The following MPPED2 variants were observed in gnomAD, a reference collection of about 807,000 sequenced individuals.
The protein encoded by MPPED2 is metallophosphoesterase MPPED2.
In MPPED2, 5 loss-of-function variants were observed where a neutral mutation model predicts 33.0. That is an observed-to-expected ratio of 0.15 (90% CI 0.08 to 0.32). The LOEUF (loss-of-function observed/expected upper bound fraction) is 0.32, where lower values mean the gene tolerates loss of function less well. MPPED2 is among the 10% of genes least tolerant of loss of function. The pLI is 1.00. For synonymous variants in MPPED2, 136 were observed against 141.9 expected (o/e 0.96, Z 0.29); for missense variants, 275 against 372.1 (o/e 0.74, Z 2.15).
At chr11:30,508,471 C>T (rs980911195) in intron 3 of MPPED2, among the ~76,000 whole-genome samples, 1 of 152,112 alleles carries the variant, frequency 6.6e-6, no homozygotes, top group African/African-American at 2.4e-5. Flanking sequence ...ATTGTGTTCC[C>T]CCAAAATGCA....
At chr11:30,550,427 G>A (rs180914392) in intron 2 of MPPED2, among the ~76,000 whole-genome samples, 15 of 152,260 alleles carry the variant, frequency 9.9e-5, no homozygotes, top group East Asian at 5.8e-4. Context: ...GCCAAAGCCC[G>A]TCAGTACTCC....
chr11:30,465,091 T>C (rs1355422032), intron 4 of MPPED2, among the ~76,000 whole-genome samples: 1 of 152,210 alleles, frequency 6.6e-6, no homozygotes, highest in African/African-American at 2.4e-5. Flanking sequence ...ATCTGGTATA[T>C]GGTAAGTTCT....
At chr11:30,569,048 A>T (rs927143396) in intron 2 of MPPED2, among the ~76,000 whole-genome samples, 1 of 152,292 alleles carries the variant, frequency 6.6e-6, no homozygotes, top group South Asian at 2.1e-4. Context: ...AACAAATGAC[A>T]AACAATCTGA....
intron 5 of MPPED2, among the ~76,000 whole-genome samples, chr11:30,415,879 C>T (rs1948330214): frequency 6.6e-6 from 1 of 152,216 alleles, no homozygotes; most frequent in Admixed American, 6.5e-5. Context: ...AAATGTTTCT[C>T]TGCTGAAGAT....
chr11:30,537,004 GA>G (rs1197155319), intron 2 of MPPED2, among the ~76,000 whole-genome samples: 9 of 152,228 alleles, frequency 5.9e-5, no homozygotes, highest in Non-Finnish European at 8.8e-5. Flanking sequence ...TAAGCACTGT[GA>G]AATTACACCA....
At chr11:30,528,034 A>G (rs894252342) in intron 3 of MPPED2, among the ~76,000 whole-genome samples, 4 of 152,188 alleles carry the variant, frequency 2.6e-5, no homozygotes, top group African/African-American at 9.7e-5. Flanking sequence ...GAATACATTG[A>G]AGATCACAGA....
At chr11:30,440,146 A>G (rs551143635) in intron 4 of MPPED2, among the ~76,000 whole-genome samples, 2 of 152,116 alleles carry the variant, frequency 1.3e-5, no homozygotes, top group Non-Finnish European at 2.9e-5. Context: ...CCTGGCCAAC[A>G]TGGTGAAACC....
intron 3 of MPPED2, among the ~76,000 whole-genome samples, chr11:30,533,572 G>C (rs1469961874): frequency 6.6e-6 from 1 of 152,124 alleles, no homozygotes; most frequent in Non-Finnish European, 1.5e-5. Flanking sequence ...CTTTCAGAAA[G>C]GGTCCTCATT....
At chr11:30,504,926 C>T (rs1201993898) in intron 3 of MPPED2, 15 of 589,350 alleles carry the variant, frequency 2.5e-5, no homozygotes, top group Non-Finnish European at 2.3e-5. Context: ...AGTGAAAGCC[C>T]GGTGGTCCAC....
chr11:30,526,508 C>T (rs1322004300), intron 3 of MPPED2, among the ~76,000 whole-genome samples: 1 of 152,122 alleles, frequency 6.6e-6, no homozygotes, highest in Non-Finnish European at 1.5e-5. Context: ...TAAGAAACTA[C>T]TTGAGTATTA....
chr11:30,534,019 T>TA (rs1954678345), intron 3 of MPPED2, among the ~76,000 whole-genome samples: 5 of 152,188 alleles, frequency 3.3e-5, no homozygotes, highest in Non-Finnish European at 7.3e-5. Flanking sequence ...CACAAAAACT[T>TA]ACTAGCAGCA....
chr11:30,523,977 G>A (rs1424689354), intron 3 of MPPED2, among the ~76,000 whole-genome samples: 4 of 152,150 alleles, frequency 2.6e-5, no homozygotes, highest in Admixed American at 6.5e-5. Context: ...GGGGCTGGGC[G>A]CGGTGGCTCA....
chr11:30,409,298 T>C (rs1344650111), downstream of MPPED2, among the ~76,000 whole-genome samples: 1 of 152,086 alleles, frequency 6.6e-6, no homozygotes, highest in Non-Finnish European at 1.5e-5. Flanking sequence ...AACACCCTCT[T>C]CTACTGATGT....
At chr11:30,537,915 T>C (rs1393177485) in intron 2 of MPPED2, among the ~76,000 whole-genome samples, 1 of 152,048 alleles carries the variant, frequency 6.6e-6, no homozygotes, top group African/African-American at 2.4e-5. Context: ...GATGTCTTCC[T>C]TTCCATCACT....
At chr11:30,415,376 G>A (rs1473073828) in intron 5 of MPPED2, among the ~76,000 whole-genome samples, 1 of 152,084 alleles carries the variant, frequency 6.6e-6, no homozygotes, top group Non-Finnish European at 1.5e-5. Context: ...ACATTGATTG[G>A]CATATTACCT....
intron 2 of MPPED2, among the ~76,000 whole-genome samples, chr11:30,577,678 G>A (rs541735712): frequency 6.6e-6 from 1 of 152,154 alleles, no homozygotes; most frequent in Non-Finnish European, 1.5e-5. Context: ...ACCTACCATA[G>A]GTCAGTCACT....
chr11:30,404,245 T>C (rs1181530153), intron 6 of MPPED2, among the ~76,000 whole-genome samples: 3 of 152,224 alleles, frequency 2.0e-5, no homozygotes, highest in Non-Finnish European at 4.4e-5. Context: ...GAGAGCTATT[T>C]TGGATTCCAC....
At chr11:30,502,239 T>C (rs986431416) in intron 3 of MPPED2, among the ~76,000 whole-genome samples, 1 of 152,118 alleles carries the variant, frequency 6.6e-6, no homozygotes, top group Non-Finnish European at 1.5e-5. Context: ...ACCCCACATA[T>C]GTGACAACTT....
chr11:30,468,254 ACACTCT>A (rs762934487), intron 4 of MPPED2, among the ~76,000 whole-genome samples: 2 of 107,862 alleles, frequency 1.9e-5, no homozygotes, highest in Admixed American at 9.9e-5. Flanking sequence ...ACACACACAC[ACACTCT>A]CTCTCTCTCT....
Sources: allele counts gnomAD v4.1 joint callset (sites outside exome capture counted in the v4.1 genomes callset), GRCh38; gene constraint gnomAD v4.1.1; transcripts MANE v1.5; gene names NCBI Gene and HGNC (gene_info 2026-07-23, HGNC 2026-07-21).